ZCCHC24: variants seen among roughly 807,000 people sequenced by gnomAD.
ZCCHC24 encodes zinc finger CCHC-type containing 24, also known as zinc finger CCHC domain-containing protein 24.
A neutral mutation model predicts 26.2 loss-of-function variants in ZCCHC24; 10 were observed. The observed-to-expected ratio is 0.38, with a 90% CI of 0.24 to 0.65. The LOEUF (loss-of-function observed/expected upper bound fraction) is 0.65, where lower values mean the gene tolerates loss of function less well. Among genes scored for constraint, ZCCHC24 ranks in the 30% least tolerant of loss-of-function variants. The probability of loss-of-function intolerance (pLI) is 0.54; values close to 1 mark genes in which losing one functional copy is unlikely to be tolerated. For synonymous variants in ZCCHC24, 144 were observed against 147.1 expected, an observed-to-expected ratio of 0.98 and a Z score of 0.15; for missense variants, 243 against 329.1, an observed-to-expected ratio of 0.74 and a Z score of 2.03.
chr10:79,409,590 G>C (rs1433658310), intron 2 of ZCCHC24, among the ~76,000 whole-genome samples: 1 of 152,194 alleles, frequency 6.6e-6, no homozygotes, highest in Admixed American at 6.5e-5. Flanking sequence ...ATGACTATCA[G>C]CCTGAGAGAA....
At chr10:79,433,878 G>A (rs1465068931) in intron 1 of ZCCHC24, among the ~76,000 whole-genome samples, 1 of 152,226 alleles carries the variant, frequency 6.6e-6, no homozygotes, top group East Asian at 1.9e-4. Flanking sequence ...TGTTCCCTTA[G>A]CATAGGCAGG....
intron 1 of ZCCHC24, among the ~76,000 whole-genome samples, chr10:79,441,889 G>A (rs898281936): frequency 6.6e-6 from 1 of 152,230 alleles, no homozygotes; most frequent in Non-Finnish European, 1.5e-5. Flanking sequence ...GAGGGTACAG[G>A]GACTACCTGG....
At chr10:79,437,762 A>G (rs748733111) in intron 1 of ZCCHC24, among the ~76,000 whole-genome samples, 1 of 152,228 alleles carries the variant, frequency 6.6e-6, no homozygotes, top group Non-Finnish European at 1.5e-5. Context: ...TACGGGGTGC[A>G]GAGACAGAGA....
intron 2 of ZCCHC24, among the ~76,000 whole-genome samples, chr10:79,412,937 A>G (rs796406086): frequency 3.3e-5 from 5 of 152,312 alleles, no homozygotes; most frequent in African/African-American, 1.2e-4. Flanking sequence ...CAACATCATC[A>G]TCACCATTTT....
intron 2 of ZCCHC24, among the ~76,000 whole-genome samples, chr10:79,395,253 A>G (rs544352657): frequency 6.6e-6 from 1 of 152,110 alleles, no homozygotes; most frequent in South Asian, 2.1e-4. Flanking sequence ...AGTTTTCCCT[A>G]CATAACTACA....
intron 1 of ZCCHC24, among the ~76,000 whole-genome samples, chr10:79,439,645 A>T (rs2132224706): frequency 6.6e-6 from 1 of 152,286 alleles, no homozygotes; most frequent in Admixed American, 6.5e-5. Flanking sequence ...ACAAAAAATT[A>T]GCCAGGTGTG....
chr10:79,420,288 C>G (rs1222324411), intron 2 of ZCCHC24, among the ~76,000 whole-genome samples: 2 of 152,150 alleles, frequency 1.3e-5, no homozygotes, highest in Non-Finnish European at 2.9e-5. Context: ...CTGTCCCCTC[C>G]CCAAGACCCC....
intron 2 of ZCCHC24, among the ~76,000 whole-genome samples, chr10:79,418,915 T>C (rs985093714): frequency 6.6e-6 from 1 of 152,052 alleles, no homozygotes; most frequent in African/African-American, 2.4e-5. Flanking sequence ...GGGCTCAAGC[T>C]GGGCTCTGAA....
intron 2 of ZCCHC24, among the ~76,000 whole-genome samples, chr10:79,425,664 T>C (rs552368647): frequency 1.3e-5 from 2 of 152,226 alleles, no homozygotes; most frequent in Non-Finnish European, 2.9e-5. Context: ...AGTTTTATCA[T>C]CTGGCAATTG....
At chr10:79,440,779 C>T (rs1052083886) in intron 1 of ZCCHC24, among the ~76,000 whole-genome samples, 18 of 152,204 alleles carry the variant, frequency 1.2e-4, no homozygotes, top group African/African-American at 4.3e-4. Context: ...GTACTGACAG[C>T]ATCTGGCTCC....
intron 2 of ZCCHC24, among the ~76,000 whole-genome samples, chr10:79,419,590 C>T (rs1353293332): frequency 2.0e-5 from 3 of 152,180 alleles, no homozygotes; most frequent in African/African-American, 7.2e-5. Flanking sequence ...GGCCAAGGGC[C>T]TGGCACACTG....
chr10:79,445,068 A>G, intron 1 of ZCCHC24, 127 bp downstream of exon 1: 1 of 1,011,480 alleles, frequency 9.9e-7, no homozygotes, highest in Non-Finnish European at 1.3e-6. Context: ...AGCCAAGCCA[A>G]GCCGGGCCCG....
intron 1 of ZCCHC24, 30 bp from the exon 2 acceptor site, chr10:79,432,788 GC>G (rs1857151933): frequency 6.2e-7 from 1 of 1,601,682 alleles, no homozygotes; most frequent in Non-Finnish European, 8.5e-7. Context: ...ATATACTACA[GC>G]CTCTGCCTTG....
At chr10:79,432,471 C>T in intron 2 of ZCCHC24, 87 bp downstream of exon 2, 1 of 1,390,948 alleles carries the variant, frequency 7.2e-7, no homozygotes. Context: ...GCCCTGGGGA[C>T]ACTGCTTCGC....
chr10:79,404,492 G>A (rs1178491390), intron 2 of ZCCHC24, among the ~76,000 whole-genome samples: 5 of 152,180 alleles, frequency 3.3e-5, no homozygotes, highest in Non-Finnish European at 5.9e-5. Context: ...GGTTTCCTCC[G>A]CCACTGCAGA....
chr10:79,436,428 G>A (rs1018925367), intron 1 of ZCCHC24, among the ~76,000 whole-genome samples: 4 of 152,194 alleles, frequency 2.6e-5, no homozygotes, highest in Non-Finnish European at 4.4e-5. Context: ...CGGCCATAGA[G>A]GCCCCGACTC....
chr10:79,406,191 GT>G (rs1361156819), intron 2 of ZCCHC24, among the ~76,000 whole-genome samples: 3 of 152,196 alleles, frequency 2.0e-5, no homozygotes, highest in Non-Finnish European at 4.4e-5. Context: ...GCTCAGAGAG[GT>G]TAAGTCACCT....
intron 2 of ZCCHC24, chr10:79,403,603 G>C (rs1589664054): frequency 1.0e-6 from 1 of 985,382 alleles, no homozygotes; most frequent in Non-Finnish European, 1.2e-6. Context: ...GCCACCCGGG[G>C]CTTCCTCTGG....
intron 3 of ZCCHC24, among the ~76,000 whole-genome samples, chr10:79,391,137 AGTGCACACAGTAG>A (rs1344051108): frequency 3.3e-5 from 5 of 152,150 alleles, no homozygotes; most frequent in African/African-American, 1.2e-4. Flanking sequence ...CAGTGTCCCC[AGTGCACACAGTAG>A]GTGCTCAACA....
Sources: gnomAD v4.1 joint callset for allele counts (sites outside exome capture counted in the v4.1 genomes callset) on GRCh38, gnomAD v4.1.1 for gene constraint, MANE v1.5 for transcripts, NCBI Gene and HGNC (gene_info 2026-07-23, HGNC 2026-07-21) for gene names.